PRKCQ: variants seen among roughly 807,000 people sequenced by gnomAD.
PRKCQ encodes the protein protein kinase C theta.
Under a neutral mutation model 91.2 loss-of-function variants are expected in PRKCQ, and 41 were observed. The ratio of observed to expected loss-of-function variants is 0.45; its 90% CI spans 0.35 to 0.58. The LOEUF (loss-of-function observed/expected upper bound fraction) is 0.58. Ranked by LOEUF, PRKCQ falls within the 20% of genes least tolerant of loss-of-function variation. The pLI is 0.00. For synonymous variants in PRKCQ, 307 were observed against 316.9 expected (o/e 0.97, Z 0.33); for missense variants, 673 against 896.5 (o/e 0.75, Z 3.18).
chr10:6,572,772 G>T (rs759028195), intron 1 of PRKCQ, among the ~76,000 whole-genome samples: 44 of 151,962 alleles, frequency 2.9e-4, no homozygotes, highest in Admixed American at 2.2e-3. Context: ...TGAGTCAAAC[G>T]GTATTTCTGG....
At chr10:6,435,374 C>CCCTTTTTTTTTTTTTTTTT in intron 16 of PRKCQ, among the ~76,000 whole-genome samples, 1 of 152,276 alleles carries the variant, frequency 6.6e-6, no homozygotes, top group East Asian at 1.9e-4. Context: ...TGAGAAAGGG[C>CCCTTTTTTTTTTTTTTTTT]ATTACCTTTT....
intron 2 of PRKCQ, 102 bp downstream of exon 2, chr10:6,514,916 C>G (rs1838675193): frequency 6.4e-7 from 1 of 1,563,966 alleles, no homozygotes; most frequent in African/African-American, 1.4e-5. Context: ...GGATTTGGTT[C>G]CACCAGATGA....
rs1202054045 is a variant in PRKCQ, at chr10:6,491,679, T to A, written c.790+4A>T. 1 of 1,614,004 alleles carries A rather than the reference T, an allele frequency of 6.2e-7. No homozygotes were observed. The highest frequency in any genetic ancestry group is 1.7e-5 in the Admixed American group (1 of 59,994). ...GGGCCATGCTCATCCCCCACTGGAC[T>A]CACCATCACACTTGAGTCCTTGCCG... is the stretch of plus-strand genomic sequence containing the variant. On this transcript the variant is annotated splice_donor_region_variant and intron_variant, in intron 8 of 17. Transcript: ENST00000263125.
chr10:6,409,661 G>T, the PRKCQ span, among the ~76,000 whole-genome samples: 2,548 of 152,200 alleles, frequency 0.017, 49 homozygotes, highest in Middle Eastern at 0.051. Flanking sequence ...ATTCCTGAAA[G>T]AACTTTCAAA....
At chr10:6,507,385 A>G (rs1202312843) in intron 4 of PRKCQ, 51 bp downstream of exon 4, 1 of 1,499,398 alleles carries the variant, frequency 6.7e-7, no homozygotes, top group Non-Finnish European at 9.3e-7. Flanking sequence ...GCATTTGAGG[A>G]GAAGGCCATG....
At chr10:6,424,690 C>A (rs961057665), downstream of PRKCQ, among the ~76,000 whole-genome samples, 1 of 152,130 alleles carries the variant, frequency 6.6e-6, no homozygotes, top group African/African-American at 2.4e-5. Context: ...AAAGGCATTT[C>A]TTCTTCTCTG....
In PRKCQ at chr10:6,576,642, A is replaced by T. The variant is rs1484184056; in HGVS notation, c.-10+3569T>A. Among the ~76,000 whole-genome samples, 5 of 152,256 alleles carry T rather than the reference A, an allele frequency of 3.3e-5. No homozygotes were observed. The highest frequency in any genetic ancestry group is 7.3e-5 in the Non-Finnish European group (5 of 68,042). On this transcript the variant is annotated intron_variant, in intron 1 of 17. Coordinates refer to ENST00000263125, the MANE Select transcript of PRKCQ (RefSeq NM_006257.5). This position sits in a 1 kb window ranked among gnomAD's most constrained non-coding sequence, Gnocchi z 4.2. ...TGGATGATGGCAATGGTTGCAAAAC[A>T]ATGTGAATATACTTAATGTCACTGA...
In PRKCQ at chr10:6,580,207, C is replaced by T. The variant is rs1214877156; in HGVS notation, c.-10+4G>A. 1.3e-5 allele frequency: 2 copies of T among 152,806 alleles called. No homozygotes were observed. Among genetic ancestry groups the T allele is most frequent in the Non-Finnish European group, 1.5e-5 (1 of 68,458 alleles). 9.5% of individuals were successfully genotyped at this position (152,806 alleles called of 1,614,324 possible). The stretch of plus-strand genomic sequence containing the variant: ...CGGCGGCGGCGCGGGGCGCGGGGCC[C>T]TACCTGGAGCGAGCACGGCGCCGCT... On this transcript the variant is annotated splice_donor_region_variant and intron_variant, in intron 1 of 17. Coordinates refer to ENST00000263125, the MANE Select transcript of PRKCQ (RefSeq NM_006257.5).
At chr10:6,413,733 A>G in the PRKCQ span, among the ~76,000 whole-genome samples, 29 of 100,762 alleles carry the variant, frequency 2.9e-4, 4 homozygotes, top group African/African-American at 1.6e-3. Flanking sequence ...GTGCGCGCGC[A>G]CACACACACA....
At position 6,447,406 on chromosome 10, in the gene PRKCQ, CA is replaced by C. The variant is rs151312430; in HGVS notation, c.1648-5326del. ...TGGGCAACAGAGCAAGACTCCACCT[CA>C]AAAAAAAAAAAAAAAAGTACGATAT... is the stretch of plus-strand genomic sequence containing the variant. On this transcript the variant is annotated intron_variant, in intron 15 of 17. Coordinates refer to ENST00000263125, the MANE Select transcript of PRKCQ (RefSeq NM_006257.5). Among the ~76,000 whole-genome samples, 453 of 119,508 alleles carry C rather than the reference CA, an allele frequency of 3.8e-3. 1 individual carries two copies. Among genetic ancestry groups the C allele is most frequent in the Middle Eastern group, 0.017 (4 of 234 alleles). The allele number at this position is 119,508 out of a possible 152,430, so 78.4% of individuals were successfully genotyped here.
At chr10:6,438,556 C>T (rs985009849) in intron 16 of PRKCQ, among the ~76,000 whole-genome samples, 1 of 152,290 alleles carries the variant, frequency 6.6e-6, no homozygotes, top group South Asian at 2.1e-4. Flanking sequence ...TCTTCCAAAA[C>T]ACCTGCATTC....
At chr10:6,489,611 C>T (rs536797654) in intron 8 of PRKCQ, 11 of 392,424 alleles carry the variant, frequency 2.8e-5, no homozygotes, top group Admixed American at 6.1e-5. Flanking sequence ...AAGGAGGACG[C>T]GGGGGCATGC....
chr10:6,556,745 G>A (rs1361303484), intron 1 of PRKCQ, among the ~76,000 whole-genome samples: 1 of 152,004 alleles, frequency 6.6e-6, no homozygotes, highest in African/African-American at 2.4e-5. Flanking sequence ...CAACAATCTT[G>A]GCTTTATTTT....
At chr10:6,443,932 C>A (rs630196) in intron 15 of PRKCQ, among the ~76,000 whole-genome samples, 4,451 of 152,196 alleles carry the variant, frequency 0.029, 116 homozygotes, top group African/African-American at 0.068. Flanking sequence ...ATTCTAGAGA[C>A]AGGAAGTGGA....
At chr10:6,499,208 G>C (rs528454863) in intron 4 of PRKCQ, among the ~76,000 whole-genome samples, 1 of 152,150 alleles carries the variant, frequency 6.6e-6, no homozygotes, top group South Asian at 2.1e-4. Context: ...ATAGCTCACT[G>C]CATTTTTTTG....
intron 7 of PRKCQ, among the ~76,000 whole-genome samples, chr10:6,493,413 G>A (rs1837428080): frequency 6.6e-6 from 1 of 152,078 alleles, no homozygotes; most frequent in African/African-American, 2.4e-5. Flanking sequence ...TGGGCTACTT[G>A]GAAATGTAAA....
intron 3 of PRKCQ, among the ~76,000 whole-genome samples, chr10:6,509,833 C>T (rs1838380746): frequency 6.6e-6 from 1 of 152,200 alleles, no homozygotes; most frequent in Non-Finnish European, 1.5e-5. Flanking sequence ...ATATTTGTCT[C>T]TAAAGATTAC....
At chr10:6,528,185 G>T (rs554205272) in intron 1 of PRKCQ, among the ~76,000 whole-genome samples, 2 of 152,066 alleles carry the variant, frequency 1.3e-5, no homozygotes, top group South Asian at 4.2e-4. Flanking sequence ...AGGTGCTTCT[G>T]GGGCTGGTGT....
Position 6,427,986 on chromosome 10 carries a change from G to A in PRKCQ, c.*221C>T, listed in dbSNP as rs45460199. The A allele has an allele frequency of 2.5e-4, 144 of 570,224 alleles. No homozygotes were observed. Among genetic ancestry groups the A allele is most frequent in the East Asian group, 9.0e-4 (29 of 32,114 alleles). The allele number at this position is 570,224 out of a possible 1,614,324, so 35.3% of individuals were successfully genotyped here. ...TTAGTAATGACCTAACTTCAGGAGC[G>A]TCTGTGAGACATGTCAGGAGACGAG... On this transcript the variant is annotated 3_prime_UTR_variant, in exon 18 of 18. Coordinates refer to ENST00000263125, the MANE Select transcript of PRKCQ (RefSeq NM_006257.5).
Sources: allele counts gnomAD v4.1 joint callset (sites outside exome capture counted in the v4.1 genomes callset), GRCh38; gene constraint gnomAD v4.1.1; non-coding constraint Gnocchi (gnomAD v3.1); transcripts MANE v1.5; gene names NCBI Gene and HGNC (gene_info 2026-07-23, HGNC 2026-07-21).